The following FAM219A variants were observed in gnomAD, a reference collection of about 807,000 sequenced individuals.
FAM219A encodes family with sequence similarity 219 member A, also known as protein FAM219A.
FAM219A carries 7 observed loss-of-function variants against 23.4 expected under a neutral mutation model. The observed-to-expected ratio is 0.30, with a 90% CI of 0.17 to 0.56. FAM219A has a LOEUF of 0.56. FAM219A is among the 20% of genes least tolerant of loss of function. FAM219A has a pLI of 0.92. For missense variants in FAM219A, 166 were observed against 246.9 expected (o/e 0.67, Z 2.20); for synonymous variants, 93 against 99.0 (o/e 0.94, Z 0.36).
chr9:34,427,350 A>G (rs1486419941), intron 1 of FAM219A, among the ~76,000 whole-genome samples: 1 of 151,780 alleles, frequency 6.6e-6, no homozygotes, highest in East Asian at 1.9e-4. Flanking sequence ...TTTTGTATAC[A>G]TACATATTTT....
intron 1 of FAM219A, among the ~76,000 whole-genome samples, chr9:34,456,779 G>A (rs530644819): frequency 4.6e-5 from 7 of 152,282 alleles, no homozygotes; most frequent in African/African-American, 1.7e-4. Context: ...AATATTGTAT[G>A]CTTCTGTAAA....
At chr9:34,410,153 A>G (rs1056678643) in intron 1 of FAM219A, among the ~76,000 whole-genome samples, 15 of 152,240 alleles carry the variant, frequency 9.9e-5, no homozygotes, top group African/African-American at 3.6e-4. Context: ...GCCCTCTGGG[A>G]GGCTGCTCCA....
chr9:34,445,709 G>A (rs1823345875), intron 1 of FAM219A, among the ~76,000 whole-genome samples: 1 of 152,214 alleles, frequency 6.6e-6, no homozygotes, highest in Non-Finnish European at 1.5e-5. Flanking sequence ...TCCAAGTTGC[G>A]AAGGAGGGTC....
At chr9:34,403,099 G>A (rs1050782238) in intron 2 of FAM219A, among the ~76,000 whole-genome samples, 1 of 152,166 alleles carries the variant, frequency 6.6e-6, no homozygotes, top group Non-Finnish European at 1.5e-5. Context: ...AGGCTGGCGG[G>A]GGAGAGACAA....
chr9:34,458,188 C>T lies in FAM219A; in HGVS notation c.60+16G>A. The stretch of plus-strand genomic sequence containing the variant: ...GCCCCCTCCGGCCTTGGCCTGCCCG[C>T]CGCCCGCCCCCTCACCAGCGGCTGC... On this transcript the variant is annotated intron_variant, in intron 1 of 5. Transcript: ENST00000651358. The surrounding 1 kb of genome is among the most constrained non-coding windows in gnomAD (Gnocchi z 6.6). 6.3e-7 allele frequency: 1 copy of T among 1,581,670 alleles called. No homozygotes were observed. The highest frequency in any genetic ancestry group is 8.5e-7 in the Non-Finnish European group (1 of 1,169,726).
At chr9:34,420,773 T>A (rs971442037) in intron 1 of FAM219A, among the ~76,000 whole-genome samples, 1 of 151,314 alleles carries the variant, frequency 6.6e-6, no homozygotes, top group African/African-American at 2.4e-5. Flanking sequence ...GCCCAGGAGT[T>A]CAAGACGAGT....
At chr9:34,418,213 A>C (rs993335898) in intron 1 of FAM219A, among the ~76,000 whole-genome samples, 8 of 152,164 alleles carry the variant, frequency 5.3e-5, no homozygotes, top group Non-Finnish European at 1.0e-4. Context: ...AAAAAAAAAA[A>C]AAGGATTTGT....
chr9:34,413,826 G>A (rs1246464664), intron 1 of FAM219A, among the ~76,000 whole-genome samples: 1 of 152,202 alleles, frequency 6.6e-6, no homozygotes, highest in Non-Finnish European at 1.5e-5. Flanking sequence ...GGATAGTGCT[G>A]ATAAGAAATG....
At chr9:34,409,128 A>T (rs1031202549) in intron 1 of FAM219A, among the ~76,000 whole-genome samples, 3 of 152,256 alleles carry the variant, frequency 2.0e-5, no homozygotes, top group Non-Finnish European at 2.9e-5. Context: ...ACCAGGGGGC[A>T]GAGCCCTAGG....
intron 1 of FAM219A, among the ~76,000 whole-genome samples, chr9:34,446,172 C>CAA (rs11352681): frequency 0.012 from 1,342 of 107,946 alleles, 23 homozygotes; most frequent in African/African-American, 0.04. Flanking sequence ...GACTCTGTCT[C>CAA]AAAAAAAAAA....
chr9:34,447,775 C>T (rs1823423582), intron 1 of FAM219A, among the ~76,000 whole-genome samples: 2 of 152,160 alleles, frequency 1.3e-5, no homozygotes, highest in Non-Finnish European at 2.9e-5. Context: ...GTTACTCCCT[C>T]TCACCTGGCC....
At chr9:34,413,568 T>C (rs1821900334) in intron 1 of FAM219A, among the ~76,000 whole-genome samples, 1 of 152,156 alleles carries the variant, frequency 6.6e-6, no homozygotes, top group African/African-American at 2.4e-5. Flanking sequence ...AAGATGAAAA[T>C]GGAAATGGAT....
chr9:34,438,009 C>T (rs899083707), intron 1 of FAM219A, among the ~76,000 whole-genome samples: 4 of 152,182 alleles, frequency 2.6e-5, no homozygotes, highest in African/African-American at 7.2e-5. Flanking sequence ...TGGCGGGCCC[C>T]GCACTCGGAG....
At chr9:34,420,800 G>A (rs1822240576) in intron 1 of FAM219A, among the ~76,000 whole-genome samples, 1 of 151,818 alleles carries the variant, frequency 6.6e-6, no homozygotes, top group Non-Finnish European at 1.5e-5. Context: ...AACAAAGTGA[G>A]ACCCCATCTC....
chr9:34,428,631 C>T (rs1371583741), intron 1 of FAM219A, among the ~76,000 whole-genome samples: 1 of 152,230 alleles, frequency 6.6e-6, no homozygotes, highest in Non-Finnish European at 1.5e-5. Flanking sequence ...ATAATCACAG[C>T]TCCTAAATAA....
chr9:34,439,982 CAGG>C (rs1244998479), intron 1 of FAM219A, among the ~76,000 whole-genome samples: 1 of 152,144 alleles, frequency 6.6e-6, no homozygotes, highest in African/African-American at 2.4e-5. Context: ...TGTGACCGCC[CAGG>C]AGAAGGGAGC....
chr9:34,402,794 C>A lies in FAM219A; in HGVS notation c.174G>T (p.Glu58Asp). The A allele has an allele frequency of 6.2e-7, 1 of 1,614,164 alleles. No homozygotes were observed. Among genetic ancestry groups the A allele is most frequent in the Non-Finnish European group, 8.5e-7 (1 of 1,179,996 alleles). Residue 58 changes from glutamate to aspartate, a missense_variant, in exon 3 of 6, where the codon GAG becomes GAT. By Grantham distance (45) the Glu-to-Asp change is conservative (BLOSUM62 2). Around this residue, in one of 3 missense-constraint regions of FAM219A, gnomAD observed 89 missense variants for 98.8 expected, o/e 0.90. Transcript: ENST00000651358. ...PLQVKLEKQRELARKGSLKNG... is the reference protein window; with the variant it reads ...PLQVKLEKQRDLARKGSLKNG... ...TCTTCAGGGAGCCCTTCCGGGCCAGCTCCCGCTGCTTCTCTGCAGGAGAAC... is the reference window on the plus strand; with the variant it reads ...TCTTCAGGGAGCCCTTCCGGGCCAGATCCCGCTGCTTCTCTGCAGGAGAAC...
intron 1 of FAM219A, among the ~76,000 whole-genome samples, chr9:34,418,753 A>C (rs974169486): frequency 6.6e-6 from 1 of 152,242 alleles, no homozygotes; most frequent in East Asian, 1.9e-4. Flanking sequence ...TAAGGTACAA[A>C]GTTCTTTAAA....
intron 1 of FAM219A, among the ~76,000 whole-genome samples, chr9:34,452,501 C>A (rs1239346579): frequency 2.0e-5 from 3 of 151,934 alleles, no homozygotes; most frequent in Non-Finnish European, 4.4e-5. Flanking sequence ...CTTGCCTATT[C>A]CACCTTATTA....
Sources: gnomAD v4.1 joint callset for allele counts (sites outside exome capture counted in the v4.1 genomes callset) on GRCh38, gnomAD v4.1.1 for gene constraint, gnomAD v4.1.1 regional missense constraint, Gnocchi (gnomAD v3.1) non-coding constraint, MANE v1.5 for transcripts, NCBI Gene and HGNC (gene_info 2026-07-23, HGNC 2026-07-21) for gene names.